FOXO1: variants seen among roughly 807,000 people sequenced by gnomAD.
FOXO1 encodes the protein forkhead box O1.
FOXO1 carries 6 observed loss-of-function variants against 44.1 expected under a neutral mutation model. The observed-to-expected ratio is 0.14, with a 90% CI of 0.07 to 0.27. The LOEUF is 0.27. Among genes scored for constraint, FOXO1 ranks in the 10% least tolerant of loss-of-function variants. FOXO1 has a pLI of 1.00. For synonymous variants in FOXO1, 380 were observed against 362.7 expected (o/e 1.05, Z -0.54); for missense variants, 737 against 888.8 (o/e 0.83, Z 2.17).
chr13:40,560,868 G>A lies in FOXO1; in HGVS notation c.631-8C>T. The A allele has an allele frequency of 6.3e-7, 1 of 1,588,950 alleles. No individual in the cohort carries two copies. The highest frequency in any genetic ancestry group is 2.2e-5 in the East Asian group (1 of 44,642). On this transcript the variant is annotated splice_region_variant and splice_polypyrimidine_tract_variant and intron_variant, in intron 1 of 2. Coordinates refer to ENST00000379561, the MANE Select transcript of FOXO1 (RefSeq NM_002015.4). The surrounding 1 kb of genome is among the most constrained non-coding windows in gnomAD (Gnocchi z 5.1). ...ATTATGACGAATTGAATTCTGTAAGGCAAAACATCTTATTAGAAGTACAAT... is the reference window on the plus strand; with the variant it reads ...ATTATGACGAATTGAATTCTGTAAGACAAAACATCTTATTAGAAGTACAAT...
At chr13:40,646,659 T>C (rs950122310) in intron 1 of FOXO1, among the ~76,000 whole-genome samples, 12 of 152,250 alleles carry the variant, frequency 7.9e-5, no homozygotes, top group African/African-American at 2.6e-4. Context: ...AGTGGCGCAA[T>C]CTCAGCTCAC....
intron 1 of FOXO1, among the ~76,000 whole-genome samples, chr13:40,595,012 T>C (rs1044729941): frequency 1.3e-5 from 2 of 152,232 alleles, no homozygotes; most frequent in Non-Finnish European, 2.9e-5. Context: ...TATGCTTATT[T>C]GGTTTTGATT....
chr13:40,642,398 G>A (rs767543940), intron 1 of FOXO1, among the ~76,000 whole-genome samples: 4 of 152,022 alleles, frequency 2.6e-5, no homozygotes, highest in Admixed American at 1.3e-4. Flanking sequence ...CTTTTGCACC[G>A]GCAACTATAC....
At chr13:40,659,831 T>C (rs1877981629) in intron 1 of FOXO1, among the ~76,000 whole-genome samples, 2 of 152,246 alleles carry the variant, frequency 1.3e-5, no homozygotes, top group Non-Finnish European at 1.5e-5. Flanking sequence ...AAAGCAAGTT[T>C]TTAAAAAGGC....
chr13:40,666,093 G>A lies in FOXO1; in HGVS notation c.120C>T (p.Ser40=). 2.9e-6 allele frequency: 4 copies of A among 1,389,012 alleles called. No homozygotes were observed. The highest frequency in any genetic ancestry group is 2.8e-6 in the Non-Finnish European group (3 of 1,070,924). 86.0% of individuals were successfully genotyped at this position (1,389,012 alleles called of 1,614,324 possible). Residue 40 remains serine (S), a synonymous_variant, in exon 1 of 3, where the codon TCC becomes TCT. Transcript: ENST00000379561. ...CCGCGCTGCCCGACGGCGCCGGGCT[G>A]GAGGTGGCCGAGTTGGACTGGCTAA... ...PEFSQSNSAT[S]SPAPSGSAAA...
Position 40,559,954 on chromosome 13 carries a change from G to A in FOXO1, c.1537C>T (p.His513Tyr), listed in dbSNP as rs760979256. 6.2e-6 allele frequency: 10 copies of A among 1,614,040 alleles called. No homozygotes were observed. The Admixed American group carries it at 1.0e-4, about 16-fold the overall frequency. Reference protein sequence around the residue: ...VMSTYGSQASHNKMMNPSSHT... With the variant: ...VMSTYGSQASYNKMMNPSSHT... ...GAGCTGGGATTCATCATTTTGTTAT[G>A]AGATGCCTGGCTGCCATAGGTTGAC... Residue 513 changes from histidine to tyrosine, a missense_variant, in exon 2 of 3, where the codon CAT (histidine) becomes TAT (tyrosine). Transcript: ENST00000379561.
chr13:40,639,752 T>A (rs996237047), intron 1 of FOXO1, among the ~76,000 whole-genome samples: 1 of 152,244 alleles, frequency 6.6e-6, no homozygotes, highest in African/African-American at 2.4e-5. Context: ...AATTGCCAAA[T>A]GTCAGAGGGA....
At chr13:40,597,621 C>T (rs570928184) in intron 1 of FOXO1, among the ~76,000 whole-genome samples, 8 of 152,142 alleles carry the variant, frequency 5.3e-5, no homozygotes, top group South Asian at 2.1e-4. Flanking sequence ...CATCTTCCCC[C>T]GGTGAAGGGT....
At chr13:40,643,029 A>C (rs1877400412) in intron 1 of FOXO1, among the ~76,000 whole-genome samples, 1 of 152,156 alleles carries the variant, frequency 6.6e-6, no homozygotes, top group Non-Finnish European at 1.5e-5. Context: ...TGTTTCTATT[A>C]AAAGTGTTTG....
intron 1 of FOXO1, among the ~76,000 whole-genome samples, chr13:40,606,262 T>C (rs1309075657): frequency 6.6e-6 from 1 of 152,162 alleles, no homozygotes; most frequent in East Asian, 1.9e-4. Flanking sequence ...AACGGACTAC[T>C]TCAGGGACCA....
rs180860650 is a variant in FOXO1, at chr13:40,592,169, T to C, written c.631-31309A>G. On this transcript the variant is annotated intron_variant, in intron 1 of 2. Transcript: ENST00000379561. ...TTACCTATGCATTACTCTTCCAAAC[T>C]GGGTAAACCAGAATGTGCAATCCCC... Among the ~76,000 whole-genome samples the C allele has an allele frequency of 1.6e-4, 25 of 152,354 alleles. No individual in the cohort carries two copies. In the East Asian group the frequency reaches 4.6e-3, roughly 28 times the overall value.
chr13:40,646,830 G>C (rs761545252), intron 1 of FOXO1, among the ~76,000 whole-genome samples: 5 of 152,118 alleles, frequency 3.3e-5, no homozygotes, highest in Non-Finnish European at 5.9e-5. Context: ...CTGACCTCAA[G>C]TGATCCACCT....
intron 1 of FOXO1, among the ~76,000 whole-genome samples, chr13:40,654,789 G>T (rs1233855860): frequency 2.0e-5 from 3 of 152,094 alleles, no homozygotes; most frequent in African/African-American, 7.2e-5. Flanking sequence ...ACTGGCCTCT[G>T]AGAAGGCAGA....
intron 1 of FOXO1, among the ~76,000 whole-genome samples, chr13:40,616,956 T>C (rs1334663640): frequency 6.6e-6 from 1 of 152,166 alleles, no homozygotes; most frequent in Admixed American, 6.5e-5. Flanking sequence ...CCTCATGCTT[T>C]AGAATCTTTA....
At chr13:40,618,987 C>T (rs1876516129) in intron 1 of FOXO1, 8 of 519,562 alleles carry the variant, frequency 1.5e-5, no homozygotes, top group African/African-American at 3.9e-5. Flanking sequence ...CAGCCTGACT[C>T]GAGAAATGGA....
At chr13:40,637,052 T>C (rs1240560483) in intron 1 of FOXO1, among the ~76,000 whole-genome samples, 1 of 152,170 alleles carries the variant, frequency 6.6e-6, no homozygotes, top group Non-Finnish European at 1.5e-5. Context: ...AAGAACTTCA[T>C]TCACAAGTGG....
At chr13:40,602,343 T>C (rs182917905) in intron 1 of FOXO1, among the ~76,000 whole-genome samples, 3 of 152,276 alleles carry the variant, frequency 2.0e-5, no homozygotes, top group Admixed American at 1.3e-4. Flanking sequence ...TCAAAAGGAA[T>C]AGGTATATGA....
At chr13:40,588,304 T>C (rs1043744222) in intron 1 of FOXO1, among the ~76,000 whole-genome samples, 8 of 152,196 alleles carry the variant, frequency 5.3e-5, no homozygotes, top group African/African-American at 1.9e-4. Context: ...ACAAGACTTC[T>C]CTAGCTTCAT....
intron 2 of FOXO1, 137 bp downstream of exon 2, chr13:40,559,372 G>T (rs548764406): frequency 2.6e-6 from 2 of 757,446 alleles, no homozygotes; most frequent in African/African-American, 1.7e-5. Context: ...AAAGGACAGA[G>T]AATGAATGAT....
Sources: allele counts gnomAD v4.1 joint callset (sites outside exome capture counted in the v4.1 genomes callset), GRCh38; gene constraint gnomAD v4.1.1; non-coding constraint Gnocchi (gnomAD v3.1); transcripts MANE v1.5; gene names NCBI Gene and HGNC (gene_info 2026-07-23, HGNC 2026-07-21).